DNAAF4: variants seen among roughly 807,000 people sequenced by gnomAD.
DNAAF4 encodes dynein assembly factor 4, axonemal.
In DNAAF4, 43 loss-of-function variants were observed where a neutral mutation model predicts 51.8. The observed-to-expected ratio is 0.83, with a 90% confidence interval of 0.65 to 1.07. The LOEUF (loss-of-function observed/expected upper bound fraction) is 1.07, where lower values mean the gene tolerates loss of function less well. DNAAF4 is among the 50% of genes least tolerant of loss of function. The pLI is 0.00. For synonymous variants in DNAAF4, 194 were observed against 165.6 expected (o/e 1.17, Z -1.32); for missense variants, 581 against 493.0 (o/e 1.18, Z -1.69).
chr15:55,425,379 T>G (rs540042195), downstream of DNAAF4, among the ~76,000 whole-genome samples: 62 of 152,124 alleles, frequency 4.1e-4, no homozygotes, highest in Non-Finnish European at 8.1e-4. Context: ...TAATGTTTTC[T>G]CTTGGTAATT....
Position 55,425,055 on chromosome 15 carries a change from G to T in DNAAF4, c.1048-6922C>A, listed in dbSNP as rs372020423. ...TAATTTTGTATTGTTAGTAGAGATGGGGTTTCTCCATGTTGGTCAGGCTGA... is the reference window on the plus strand; with the variant it reads ...TAATTTTGTATTGTTAGTAGAGATGTGGTTTCTCCATGTTGGTCAGGCTGA... On this transcript the variant is annotated intron_variant, in intron 7 of 7. Coordinates refer to the DNAAF4 transcript ENST00000448430. 7.9e-5 allele frequency among the ~76,000 whole-genome samples: 12 copies of T among 152,020 alleles called. No individual in the cohort carries two copies. In the South Asian group the frequency reaches 2.5e-3, roughly 32 times the overall value.
intron 7 of DNAAF4, among the ~76,000 whole-genome samples, chr15:55,424,424 C>G (rs538015004): frequency 1.5e-4 from 23 of 152,298 alleles, no homozygotes; most frequent in Admixed American, 1.3e-3. Context: ...AAGTAAGGCA[C>G]CTACTTTTTC....
chr15:55,506,206 T>A (rs1022434470), intron 1 of DNAAF4, among the ~76,000 whole-genome samples: 1 of 152,116 alleles, frequency 6.6e-6, no homozygotes, highest in Non-Finnish European at 1.5e-5. Context: ...AGAGAACATA[T>A]AAACAAAATA....
intron 6 of DNAAF4, chr15:55,443,387 C>A (rs559213236): frequency 4.6e-6 from 3 of 647,792 alleles, no homozygotes; most frequent in Non-Finnish European, 8.0e-6. Flanking sequence ...CGTGGGGCCG[C>A]ACTTGCTCTA....
chr15:55,435,830 C>T (rs1257137138), intron 7 of DNAAF4, among the ~76,000 whole-genome samples: 1 of 152,092 alleles, frequency 6.6e-6, no homozygotes, highest in Non-Finnish European at 1.5e-5. Flanking sequence ...CTCTTGTTGC[C>T]CAGGCTGGAG....
chr15:55,501,761 G>T (rs1186708399), intron 1 of DNAAF4, among the ~76,000 whole-genome samples: 1 of 151,884 alleles, frequency 6.6e-6, no homozygotes, highest in African/African-American at 2.4e-5. Flanking sequence ...TTGCTCACTG[G>T]GCTGGGCGGG....
intron 4 of DNAAF4, among the ~76,000 whole-genome samples, chr15:55,477,903 T>G: frequency 1.2e-5 from 1 of 84,960 alleles, no homozygotes; most frequent in South Asian, 4.8e-4. Context: ...CTGTCTCTAC[T>G]GAAAAAAAAA....
At chr15:55,486,161 G>A (rs533434116) in intron 4 of DNAAF4, among the ~76,000 whole-genome samples, 8 of 147,234 alleles carry the variant, frequency 5.4e-5, no homozygotes, top group Non-Finnish European at 1.0e-4. Flanking sequence ...ACCCTGCCTC[G>A]TTTTTCTGTT....
chr15:55,483,692 C>T (rs977105808), intron 4 of DNAAF4, among the ~76,000 whole-genome samples: 2 of 151,720 alleles, frequency 1.3e-5, no homozygotes, highest in Admixed American at 6.6e-5. Flanking sequence ...AAGTGCACAC[C>T]ACCACACACG....
chr15:55,418,109 C>A lies in DNAAF4; in HGVS notation c.1072G>T (p.Glu358Ter). 1 of 1,585,772 alleles carries A rather than the reference C, an allele frequency of 6.3e-7. No homozygotes were observed. The highest frequency in any genetic ancestry group is 1.2e-5 in the South Asian group (1 of 85,248). ...AGCTTGGGCTCAGAGGCCTGACATT[C>A]AATGCCCTCAAGAGAACAGAATTCC... The change falls in exon 8 of 8, where the codon GAA becomes TAA. Residue 358 changes from glutamate to a stop codon, truncating the protein, a stop_gained. Transcript: ENST00000448430. LOFTEE classifies it high-confidence loss of function.
At chr15:55,442,111 G>A (rs2057723871) in intron 6 of DNAAF4, among the ~76,000 whole-genome samples, 1 of 152,006 alleles carries the variant, frequency 6.6e-6, no homozygotes. Flanking sequence ...TAAGGAGACA[G>A]AGTTTTTTTT....
chr15:55,467,711 G>A (rs1567020620), intron 4 of DNAAF4, among the ~76,000 whole-genome samples: 2 of 152,076 alleles, frequency 1.3e-5, no homozygotes, highest in Non-Finnish European at 2.9e-5. Context: ...TGAACAAGAC[G>A]GTCTGTCTCT....
chr15:55,483,856 T>A (rs1443349440), intron 4 of DNAAF4, among the ~76,000 whole-genome samples: 3 of 96,732 alleles, frequency 3.1e-5, no homozygotes. Flanking sequence ...TTTTTTTTTT[T>A]TTTTTTTTTT....
intron 5 of DNAAF4, among the ~76,000 whole-genome samples, chr15:55,455,357 G>A (rs1184981133): frequency 1.4e-5 from 2 of 142,444 alleles, no homozygotes; most frequent in African/African-American, 2.7e-5. Context: ...AGATAAATGT[G>A]ACAACTGCTT....
chr15:55,443,407 G>A (rs2057746401), intron 6 of DNAAF4: 13 of 609,522 alleles, frequency 2.1e-5, no homozygotes, highest in Non-Finnish European at 3.5e-5. Flanking sequence ...AGCCCTGGAT[G>A]GCACACATTA....
chr15:55,494,230 T>A (rs1006681025), intron 3 of DNAAF4, among the ~76,000 whole-genome samples: 5 of 151,960 alleles, frequency 3.3e-5, no homozygotes, highest in Admixed American at 3.3e-4. Context: ...GGTTTCTCCA[T>A]GTTGGTTAGG....
intron 9 of DNAAF4, among the ~76,000 whole-genome samples, chr15:55,432,161 G>A (rs2057506412): frequency 6.6e-6 from 1 of 151,680 alleles, no homozygotes; most frequent in Admixed American, 6.6e-5. Context: ...ATGTTGGTCA[G>A]GCTGGTCTCG....
Position 55,505,606 on chromosome 15 carries a change from G to A in DNAAF4, c.-256+2516C>T, listed in dbSNP as rs142583294. Among the ~76,000 whole-genome samples the A allele has an allele frequency of 3.2e-3, 493 of 152,242 alleles. 6 individuals are homozygous for A. The highest frequency in any genetic ancestry group is 0.027 in the East Asian group (138 of 5,172). ...CAGCCATAAAAAAGGAGGAGTTCAC[G>A]TCCTTTGCAGGGACATGGATGAATC... On this transcript the variant is annotated intron_variant, in intron 1 of 9. Coordinates refer to ENST00000321149, the MANE Select transcript of DNAAF4 (RefSeq NM_130810.4).
At chr15:55,444,236 G>C (rs1256850947) in intron 6 of DNAAF4, among the ~76,000 whole-genome samples, 1 of 152,120 alleles carries the variant, frequency 6.6e-6, no homozygotes, top group African/African-American at 2.4e-5. Context: ...TGTAAGGAAG[G>C]GATCCAGTTT....
Sources: gnomAD v4.1 joint callset for allele counts (sites outside exome capture counted in the v4.1 genomes callset) on GRCh38, gnomAD v4.1.1 for gene constraint, MANE v1.5 for transcripts, NCBI Gene and HGNC (gene_info 2026-07-23, HGNC 2026-07-21) for gene names.